The following KCNH8 variants were observed in gnomAD, a reference collection of about 807,000 sequenced individuals.
KCNH8 encodes potassium voltage-gated channel subfamily H member 8, also known as voltage-gated delayed rectifier potassium channel KCNH8.
Under a neutral mutation model 103.6 loss-of-function variants are expected in KCNH8, and 70 were observed. That is an observed-to-expected ratio of 0.68 (90% CI 0.56 to 0.82). The LOEUF (loss-of-function observed/expected upper bound fraction) is 0.82. Ranked by LOEUF, KCNH8 falls within the 40% of genes least tolerant of loss-of-function variation. KCNH8 has a pLI of 0.00. For missense variants in KCNH8, 1,217 were observed against 1,329.9 expected, an observed-to-expected ratio of 0.92 and a Z score of 1.32; for synonymous variants, 498 against 489.4, an observed-to-expected ratio of 1.02 and a Z score of -0.23.
chr3:19,384,562 A>G (rs2066331532), intron 5 of KCNH8, among the ~76,000 whole-genome samples: 1 of 151,808 alleles, frequency 6.6e-6, no homozygotes, highest in Non-Finnish European at 1.5e-5. Flanking sequence ...AACTGTGACA[A>G]TTTAATAAGG....
Position 19,345,494 on chromosome 3 carries a change from A to C in KCNH8, c.571-2231A>C, listed in dbSNP as rs189309417. Reference sequence around the variant, plus strand: ...AAACATCTAAAACACCATTGGTACTAAAGAAATATGCTTGAAGATTAATAA... The same window carrying C: ...AAACATCTAAAACACCATTGGTACTCAAGAAATATGCTTGAAGATTAATAA... On this transcript the variant is annotated intron_variant, in intron 4 of 15. Coordinates refer to ENST00000328405, the MANE Select transcript of KCNH8 (RefSeq NM_144633.3). 1.9e-3 allele frequency among the ~76,000 whole-genome samples: 294 copies of C among 152,218 alleles called. 5 individuals are homozygous for C. Among genetic ancestry groups the C allele is most frequent in the African/African-American group, 6.6e-3 (275 of 41,570 alleles).
intron 11 of KCNH8, among the ~76,000 whole-genome samples, chr3:19,475,869 T>G (rs2067962569): frequency 6.6e-6 from 1 of 152,180 alleles, no homozygotes; most frequent in South Asian, 2.1e-4. Context: ...TGTAATCCCA[T>G]TACGAATTCT....
Position 19,368,628 on chromosome 3 carries a change from A to G in KCNH8, c.811+20663A>G, listed in dbSNP as rs79175834. Among the ~76,000 whole-genome samples, 387 of 152,162 alleles carry G rather than the reference A, an allele frequency of 2.5e-3. 3 individuals are homozygous for G. Among genetic ancestry groups the G allele is most frequent in the African/African-American group, 8.7e-3 (360 of 41,548 alleles). On this transcript the variant is annotated intron_variant, in intron 5 of 15. Transcript: ENST00000328405. ...GACCGTCCTCAAATAAGGCCATTGA[A>G]TAAAGATTATATACTTAGAAGCATG...
chr3:19,396,309 G>C (rs1033899780), intron 7 of KCNH8, among the ~76,000 whole-genome samples: 1 of 151,974 alleles, frequency 6.6e-6, no homozygotes, highest in East Asian at 1.9e-4. Flanking sequence ...ACATCCCTGT[G>C]TTGGCCCTCA....
At chr3:19,284,679 C>T (rs1475650764) in intron 3 of KCNH8, among the ~76,000 whole-genome samples, 1 of 151,908 alleles carries the variant, frequency 6.6e-6, no homozygotes, top group African/African-American at 2.4e-5. Flanking sequence ...GTGTACACCA[C>T]TTACTTCTAT....
chr3:19,457,776 C>T (rs1056827243), intron 11 of KCNH8, among the ~76,000 whole-genome samples: 1 of 151,920 alleles, frequency 6.6e-6, no homozygotes, highest in African/African-American at 2.4e-5. Context: ...TGGTTTGGAC[C>T]AACCCATATT....
In KCNH8 at chr3:19,419,202, T is replaced by G. The variant is rs1189934458; in HGVS notation, c.1178-18962T>G. On this transcript the variant is annotated intron_variant, in intron 7 of 15. Transcript: ENST00000328405. ...GTAATTAAAATGGTTTTGGTTTTTT[T>G]TTTTTTTTTTTTTTTGAGACGGAGT... 1.0e-2 allele frequency among the ~76,000 whole-genome samples: 1,351 copies of G among 135,758 alleles called. 66 individuals are homozygous for G. Among genetic ancestry groups the G allele is most frequent in the Middle Eastern group, 0.032 (9 of 282 alleles). The allele number at this position is 135,758 out of a possible 152,430, so 89.1% of individuals were successfully genotyped here. A position where few individuals can be genotyped will look rare whatever the true frequency, so the allele number is the denominator to read the frequency against.
chr3:19,390,023 A>G (rs2066413542), intron 5 of KCNH8, among the ~76,000 whole-genome samples: 1 of 152,078 alleles, frequency 6.6e-6, no homozygotes, highest in African/African-American at 2.4e-5. Context: ...TGACTCTTTA[A>G]TCAGAGTAAC....
chr3:19,466,056 T>A (rs1178139999), intron 11 of KCNH8, among the ~76,000 whole-genome samples: 1 of 151,998 alleles, frequency 6.6e-6, no homozygotes, highest in Non-Finnish European at 1.5e-5. Flanking sequence ...AACCTCAGCC[T>A]CCCATGCACG....
At position 19,533,980 on chromosome 3, in the gene KCNH8, C is replaced by T. The variant is rs535089990; in HGVS notation, c.3205C>T (p.Pro1069Ser). The change falls in exon 16 of 16, where the codon CCA becomes TCA. Residue 1069 changes from proline (P) to serine (S), a missense_variant. Transcript: ENST00000328405. ...TVSSFSLENL[P>S]GSWNQEGMAS... Reference sequence around the variant, plus strand: ...GAGTTCCTTCAGTCTGGAAAACTTACCAGGATCTTGGAACCAGGAAGGAAT... The same window carrying T: ...GAGTTCCTTCAGTCTGGAAAACTTATCAGGATCTTGGAACCAGGAAGGAAT... The T allele has an allele frequency of 1.2e-6, 2 of 1,614,074 alleles. No individual in the cohort carries two copies. Among genetic ancestry groups the T allele is most frequent in the South Asian group, 2.2e-5 (2 of 91,084 alleles).
At chr3:19,444,556 G>A (rs896086421) in intron 8 of KCNH8, among the ~76,000 whole-genome samples, 4 of 151,858 alleles carry the variant, frequency 2.6e-5, no homozygotes, top group Non-Finnish European at 5.9e-5. Flanking sequence ...AATGTGAAGA[G>A]AGAAGCTACA....
intron 1 of KCNH8, among the ~76,000 whole-genome samples, chr3:19,217,489 A>G (rs1328528917): frequency 6.6e-6 from 1 of 152,202 alleles, no homozygotes; most frequent in Non-Finnish European, 1.5e-5. Flanking sequence ...CCTAGGAAAT[A>G]TATAATTACG....
At chr3:19,152,587 T>G (rs910196142) in intron 1 of KCNH8, among the ~76,000 whole-genome samples, 21 of 152,210 alleles carry the variant, frequency 1.4e-4, no homozygotes, top group Non-Finnish European at 1.6e-4. Context: ...TCATTAATAT[T>G]TGCATATATT....
chr3:19,497,338 G>A (rs1192056792), intron 11 of KCNH8, among the ~76,000 whole-genome samples: 1 of 152,060 alleles, frequency 6.6e-6, no homozygotes, highest in Non-Finnish European at 1.5e-5. Flanking sequence ...TGTGATGTTA[G>A]GTTGTTAATC....
intron 7 of KCNH8, among the ~76,000 whole-genome samples, chr3:19,414,283 A>G (rs1471419816): frequency 1.3e-5 from 2 of 152,138 alleles, no homozygotes; most frequent in Non-Finnish European, 2.9e-5. Flanking sequence ...TTAAAGTGTC[A>G]ATATTTACTG....
chr3:19,246,344 T>A (rs2064206493), intron 1 of KCNH8, among the ~76,000 whole-genome samples: 1 of 145,824 alleles, frequency 6.9e-6, no homozygotes, highest in Admixed American at 7.0e-5. Flanking sequence ...TGGTGCGATA[T>A]CGGCTCACTG....
chr3:19,484,550 C>T (rs1318626488), intron 11 of KCNH8, among the ~76,000 whole-genome samples: 1 of 152,180 alleles, frequency 6.6e-6, no homozygotes, highest in Admixed American at 6.5e-5. Context: ...CTTTGCAGGG[C>T]TTGTCCAGGC....
intron 1 of KCNH8, among the ~76,000 whole-genome samples, chr3:19,160,089 T>C (rs933555751): frequency 1.3e-5 from 2 of 152,090 alleles, no homozygotes; most frequent in Admixed American, 6.6e-5. Flanking sequence ...AATGCAGACA[T>C]TTACATTTGT....
chr3:19,467,187 C>T (rs1475443140), intron 11 of KCNH8, among the ~76,000 whole-genome samples: 1 of 151,964 alleles, frequency 6.6e-6, no homozygotes, highest in African/African-American at 2.4e-5. Flanking sequence ...TTCATTGACC[C>T]TTTCAATATC....
Sources: gnomAD v4.1 joint callset for allele counts (sites outside exome capture counted in the v4.1 genomes callset) on GRCh38, gnomAD v4.1.1 for gene constraint, MANE v1.5 for transcripts, NCBI Gene and HGNC (gene_info 2026-07-23, HGNC 2026-07-21) for gene names.